The following GNA14 variants were observed in gnomAD, a reference collection of about 807,000 sequenced individuals.
GNA14 encodes the protein G protein subunit alpha 14.
In GNA14, 50 loss-of-function variants were observed where a neutral mutation model predicts 42.0. The ratio of observed to expected loss-of-function variants is 1.19; its 90% CI spans 0.95 to 1.51. The LOEUF (loss-of-function observed/expected upper bound fraction) is 1.51. GNA14 is among the 40% of genes most tolerant of loss of function. GNA14 has a pLI of 0.00. For missense variants in GNA14, 473 were observed against 446.2 expected, an observed-to-expected ratio of 1.06 and a Z score of -0.54; for synonymous variants, 173 against 163.1, an observed-to-expected ratio of 1.06 and a Z score of -0.46.
At chr9:77,492,339 C>A (rs931323223) in intron 2 of GNA14, among the ~76,000 whole-genome samples, 53 of 150,848 alleles carry the variant, frequency 3.5e-4, no homozygotes, top group Middle Eastern at 3.4e-3. Context: ...AAAATAAATA[C>A]AATTTATTTA....
chr9:77,528,718 G>A (rs1409023002), intron 2 of GNA14, among the ~76,000 whole-genome samples: 1 of 152,186 alleles, frequency 6.6e-6, no homozygotes, highest in Non-Finnish European at 1.5e-5. Flanking sequence ...GCTGGCCACT[G>A]TAAACCCAAT....
chr9:77,463,141 C>A (rs1273217081), intron 2 of GNA14, among the ~76,000 whole-genome samples: 1 of 152,206 alleles, frequency 6.6e-6, no homozygotes, highest in Non-Finnish European at 1.5e-5. Context: ...AGTCCTACTG[C>A]ATCCCCATTG....
At chr9:77,514,311 G>A (rs1837215117) in intron 2 of GNA14, among the ~76,000 whole-genome samples, 1 of 152,110 alleles carries the variant, frequency 6.6e-6, no homozygotes, top group African/African-American at 2.4e-5. Flanking sequence ...CTCTGAGGTT[G>A]TGGATACTAC....
At chr9:77,520,016 T>G (rs7034692) in intron 2 of GNA14, among the ~76,000 whole-genome samples, 18,570 of 151,726 alleles carry the variant, frequency 0.12, 2,942 homozygotes, top group African/African-American at 0.37. Context: ...CTCAAGAAAG[T>G]AAAAATAAAA....
intron 2 of GNA14, among the ~76,000 whole-genome samples, chr9:77,525,699 C>T (rs376985898): frequency 1.8e-4 from 27 of 151,792 alleles, no homozygotes; most frequent in African/African-American, 3.1e-4. Context: ...CCAACACGCC[C>T]GGCTAATTTT....
intron 2 of GNA14, among the ~76,000 whole-genome samples, chr9:77,482,433 C>T (rs1187591827): frequency 6.6e-6 from 1 of 152,220 alleles, no homozygotes; most frequent in African/African-American, 2.4e-5. Context: ...CTCTCTTAGT[C>T]TGATGGGCTT....
intron 2 of GNA14, chr9:77,456,671 CAG>C (rs1836004993): frequency 6.6e-6 from 1 of 152,082 alleles, no homozygotes; most frequent in African/African-American, 2.4e-5. Context: ...CTTTCTAAAA[CAG>C]AGTATGAAAA....
intron 1 of GNA14, among the ~76,000 whole-genome samples, chr9:77,629,717 C>T (rs187944595): frequency 1.7e-3 from 254 of 152,146 alleles, no homozygotes; most frequent in African/African-American, 4.7e-3. Context: ...CATCACATAC[C>T]GGGTTCTGTC....
chr9:77,482,053 A>C (rs1836562834), intron 2 of GNA14, among the ~76,000 whole-genome samples: 1 of 152,166 alleles, frequency 6.6e-6, no homozygotes, highest in African/African-American at 2.4e-5. Flanking sequence ...ATTTACATTT[A>C]AAGTTAATAC....
chr9:77,643,257 G>C (rs200870775), intron 1 of GNA14, among the ~76,000 whole-genome samples: 9 of 76,060 alleles, frequency 1.2e-4, no homozygotes, highest in African/African-American at 4.2e-4. Flanking sequence ...TTTTTTTTTT[G>C]AGACAGAGTT....
rs113211580 is a variant in GNA14, at chr9:77,462,684, G to A, written c.310-28162C>T. On this transcript the variant is annotated intron_variant, in intron 2 of 6. Transcript: ENST00000341700. ...TGCAGTGAGCTGAGACAGAGCCACT[G>A]CACTCCAGCCTGGGTGACAGAGCAA... is the stretch of plus-strand genomic sequence containing the variant. 7.9e-3 allele frequency among the ~76,000 whole-genome samples: 1,043 copies of A among 131,428 alleles called. 13 individuals are homozygous for A. The highest frequency in any genetic ancestry group is 0.028 in the African/African-American group (986 of 35,122). The allele number at this position is 131,428 out of a possible 152,430, so 86.2% of individuals were successfully genotyped here. A position where few individuals can be genotyped will look rare whatever the true frequency, so the allele number is the denominator to read the frequency against.
At chr9:77,576,970 T>C (rs1337830805) in intron 1 of GNA14, among the ~76,000 whole-genome samples, 1 of 152,202 alleles carries the variant, frequency 6.6e-6, no homozygotes, top group East Asian at 1.9e-4. Context: ...TTATGCCTCT[T>C]CCTTGCTAAC....
intron 1 of GNA14, among the ~76,000 whole-genome samples, chr9:77,645,515 A>G (rs1037875830): frequency 6.6e-6 from 1 of 152,184 alleles, no homozygotes; most frequent in African/African-American, 2.4e-5. Flanking sequence ...CTAAGGGGAT[A>G]TGCTAGTCAC....
chr9:77,542,445 G>C (rs1355163490), intron 1 of GNA14, among the ~76,000 whole-genome samples: 1 of 152,162 alleles, frequency 6.6e-6, no homozygotes, highest in Admixed American at 6.5e-5. Context: ...GAACATGCCT[G>C]TACTTAAACC....
At chr9:77,564,346 C>T (rs773239346) in intron 1 of GNA14, among the ~76,000 whole-genome samples, 39 of 151,316 alleles carry the variant, frequency 2.6e-4, no homozygotes, top group Non-Finnish European at 4.3e-4. Context: ...ATCTCTCTGT[C>T]GCCCAGGCTG....
chr9:77,639,164 G>T (rs1824221689), intron 1 of GNA14, among the ~76,000 whole-genome samples: 2 of 152,134 alleles, frequency 1.3e-5, no homozygotes, highest in Non-Finnish European at 2.9e-5. Flanking sequence ...CAGCATCTGA[G>T]CACTTACCTT....
intron 2 of GNA14, among the ~76,000 whole-genome samples, chr9:77,502,587 C>T (rs1436517530): frequency 1.3e-5 from 2 of 152,072 alleles, no homozygotes; most frequent in African/African-American, 2.4e-5. Context: ...CCCTGTGCCA[C>T]GGTTGGGGTG....
At chr9:77,526,698 A>G (rs902562449) in intron 2 of GNA14, 1 of 152,196 alleles carries the variant, frequency 6.6e-6, no homozygotes, top group African/African-American at 2.4e-5. Context: ...GTTAGAACCA[A>G]TCAACCTTGG....
chr9:77,595,452 A>G (rs944673462), intron 1 of GNA14, among the ~76,000 whole-genome samples: 6 of 152,266 alleles, frequency 3.9e-5, no homozygotes, highest in Non-Finnish European at 7.4e-5. Flanking sequence ...GCTGAGTGCA[A>G]CATACACACA....
Sources: allele counts gnomAD v4.1 joint callset (sites outside exome capture counted in the v4.1 genomes callset), GRCh38; gene constraint gnomAD v4.1.1; transcripts MANE v1.5; gene names NCBI Gene and HGNC (gene_info 2026-07-23, HGNC 2026-07-21).